CMIP: variants seen among roughly 807,000 people sequenced by gnomAD.
The protein encoded by CMIP is c-Maf inducing protein.
Under a neutral mutation model 97.3 loss-of-function variants are expected in CMIP, and 13 were observed. The ratio of observed to expected loss-of-function variants is 0.13; its 90% confidence interval spans 0.09 to 0.21. CMIP has a LOEUF of 0.21. Ranked by LOEUF, CMIP falls within the 10% of genes least tolerant of loss-of-function variation. The pLI is 1.00. For missense variants in CMIP, 847 were observed against 1,024.9 expected (o/e 0.83, Z 2.37); for synonymous variants, 538 against 436.3 (o/e 1.23, Z -2.91).
chr16:81,583,814 CTG>C (rs2091336903), intron 1 of CMIP, among the ~76,000 whole-genome samples: 1 of 152,162 alleles, frequency 6.6e-6, no homozygotes, highest in Non-Finnish European at 1.5e-5. Context: ...GGATTTTTCT[CTG>C]TAGGCAAATC....
chr16:81,543,240 A>T (rs999060912), intron 1 of CMIP, among the ~76,000 whole-genome samples: 1 of 152,182 alleles, frequency 6.6e-6, no homozygotes, highest in African/African-American at 2.4e-5. Context: ...CTGAGATGGC[A>T]AAGTGACACC....
At chr16:81,680,080 A>G (rs1904716836) in intron 10 of CMIP, among the ~76,000 whole-genome samples, 1 of 152,150 alleles carries the variant, frequency 6.6e-6, no homozygotes, top group African/African-American at 2.4e-5. Context: ...GGTTCGGGGT[A>G]TGGCTGTGTT....
chr16:81,610,313 C>G (rs2091810147), intron 2 of CMIP: 1 of 985,630 alleles, frequency 1.0e-6, no homozygotes, highest in Non-Finnish European at 1.2e-6. Flanking sequence ...CGCCGTGGTG[C>G]TGAGGAGCCG....
At chr16:81,458,431 G>A (rs1177858783) in intron 1 of CMIP, among the ~76,000 whole-genome samples, 1 of 152,174 alleles carries the variant, frequency 6.6e-6, no homozygotes, top group Non-Finnish European at 1.5e-5. Context: ...CCCTCTCTGG[G>A]CCAGCACAGC....
chr16:81,632,425 T>C (rs558099678), intron 3 of CMIP, among the ~76,000 whole-genome samples: 3 of 152,370 alleles, frequency 2.0e-5, no homozygotes, highest in African/African-American at 7.2e-5. Context: ...TTCCGTTCCA[T>C]GCTCCTTAAT....
In CMIP at chr16:81,444,988, C is replaced by G. The variant is rs1367968845; in HGVS notation, c.-254C>G. On this transcript the variant is annotated 5_prime_UTR_variant, in exon 1 of 21. Transcript: ENST00000537098. ...CCCGTCGCCCGCCGAGCCCGGTCAG[C>G]CGCCGCGAGCATGCACCCGACGAGC... 7.0e-6 allele frequency among the ~76,000 whole-genome samples: 1 copy of G among 143,112 alleles called. No homozygotes were observed. Among genetic ancestry groups the G allele is most frequent in the Non-Finnish European group, 1.5e-5 (1 of 64,652 alleles). 93.9% of individuals were successfully genotyped at this position (143,112 alleles called of 152,430 possible).
At chr16:81,514,608 G>A (rs1173928587) in intron 1 of CMIP, among the ~76,000 whole-genome samples, 1 of 152,166 alleles carries the variant, frequency 6.6e-6, no homozygotes, top group Non-Finnish European at 1.5e-5. Context: ...GGCACCCCTG[G>A]TAGATCTAGT....
At chr16:81,545,536 C>G (rs1337726480) in intron 1 of CMIP, among the ~76,000 whole-genome samples, 1 of 152,182 alleles carries the variant, frequency 6.6e-6, no homozygotes, top group Admixed American at 6.5e-5. Flanking sequence ...TTAATCCACA[C>G]AGCTTATGTG....
intron 3 of CMIP, among the ~76,000 whole-genome samples, chr16:81,623,010 C>T (rs960723113): frequency 3.3e-5 from 5 of 152,218 alleles, no homozygotes; most frequent in Non-Finnish European, 7.3e-5. Context: ...CAAGACCAGC[C>T]TGGGCAGCAT....
chr16:81,604,241 GA>G (rs2091704096), intron 1 of CMIP, among the ~76,000 whole-genome samples: 1 of 145,862 alleles, frequency 6.9e-6, no homozygotes, highest in Non-Finnish European at 1.5e-5. Context: ...TAAAAATACT[GA>G]AAAATTAGCT....
intron 1 of CMIP, among the ~76,000 whole-genome samples, chr16:81,445,990 A>G (rs534242142): frequency 3.2e-4 from 49 of 151,874 alleles, no homozygotes; most frequent in African/African-American, 1.2e-3. Context: ...CAACACAACA[A>G]AACCTCCAAA....
chr16:81,445,194 C>T lies in CMIP; in HGVS notation c.-48C>T. Reference sequence around the variant, plus strand: ...CGGGGGCCCCGCCGCCCCAGCAGCCCAGGACAGCCCCCTCTCCCCGCCCCC... The same window carrying T: ...CGGGGGCCCCGCCGCCCCAGCAGCCTAGGACAGCCCCCTCTCCCCGCCCCC... On this transcript the variant is annotated 5_prime_UTR_variant, in exon 1 of 21. Transcript: ENST00000537098. 1 of 1,338,438 alleles carries T rather than the reference C, an allele frequency of 7.5e-7. No individual in the cohort carries two copies. The highest frequency in any genetic ancestry group is 9.9e-7 in the Non-Finnish European group (1 of 1,005,252). The allele number at this position is 1,338,438 out of a possible 1,614,324, so 82.9% of individuals were successfully genotyped here.
chr16:81,688,595 A>T (rs963117010), intron 10 of CMIP, among the ~76,000 whole-genome samples: 2 of 152,186 alleles, frequency 1.3e-5, no homozygotes, highest in African/African-American at 4.8e-5. Flanking sequence ...TGTGTGTGGA[A>T]AGTCTCCGTG....
At chr16:81,706,179 G>T (rs34077724) in intron 19 of CMIP, among the ~76,000 whole-genome samples, 11,921 of 152,270 alleles carry the variant, frequency 0.078, 590 homozygotes, top group Non-Finnish European at 0.11. Flanking sequence ...ATTGAGCCCG[G>T]GATTCTGTAT....
chr16:81,533,162 C>G (rs539463320), intron 1 of CMIP, among the ~76,000 whole-genome samples: 3 of 152,344 alleles, frequency 2.0e-5, no homozygotes, highest in East Asian at 3.9e-4. Context: ...ATGTTATCAT[C>G]TGACAGACCA....
At chr16:81,707,123 C>T (rs868472209) in intron 20 of CMIP, 39 bp downstream of exon 20, 4 of 1,567,768 alleles carry the variant, frequency 2.6e-6, no homozygotes, top group Non-Finnish European at 3.5e-6. Flanking sequence ...TCCCCTCCTT[C>T]TTCTAGCCAG....
At chr16:81,575,347 CCTCT>C (rs1183666856) in intron 1 of CMIP, among the ~76,000 whole-genome samples, 2 of 152,096 alleles carry the variant, frequency 1.3e-5, no homozygotes, top group African/African-American at 4.8e-5. Context: ...TTGGCCCCTT[CCTCT>C]CTCTCCCCAC....
At position 81,445,180 on chromosome 16, in the gene CMIP, C is replaced by A; in HGVS notation, c.-62C>A. On this transcript the variant is annotated 5_prime_UTR_variant, in exon 1 of 21. Transcript: ENST00000537098. ...CGGGCCGCCGGATCCGGGGGCCCCG[C>A]CGCCCCAGCAGCCCAGGACAGCCCC... 2.7e-6 allele frequency: 3 copies of A among 1,128,420 alleles called. No individual in the cohort carries two copies. Among genetic ancestry groups the A allele is most frequent in the South Asian group, 2.2e-5 (1 of 45,896 alleles). 69.9% of individuals were successfully genotyped at this position (1,128,420 alleles called of 1,614,324 possible).
chr16:81,546,745 C>T (rs1233533348), intron 1 of CMIP, among the ~76,000 whole-genome samples: 2 of 152,158 alleles, frequency 1.3e-5, no homozygotes, highest in Non-Finnish European at 2.9e-5. Flanking sequence ...GGGTGTGGAG[C>T]ACTGGATGGG....
Sources: gnomAD v4.1 joint callset for allele counts (sites outside exome capture counted in the v4.1 genomes callset) on GRCh38, gnomAD v4.1.1 for gene constraint, MANE v1.5 for transcripts, NCBI Gene and HGNC (gene_info 2026-07-23, HGNC 2026-07-21) for gene names.